Variants in AGBL4 observed in about 807,000 individuals in gnomAD.
The protein encoded by AGBL4 is cytosolic carboxypeptidase 6.
AGBL4 carries 58 observed loss-of-function variants against 66.4 expected under a neutral mutation model. The observed-to-expected ratio is 0.87, with a 90% CI of 0.71 to 1.09. The LOEUF (loss-of-function observed/expected upper bound fraction) is 1.09. Ranked by LOEUF, AGBL4 falls within the 50% of genes least tolerant of loss-of-function variation. The pLI, the probability that AGBL4 is intolerant of heterozygous loss-of-function variation, is 0.00. For synonymous variants in AGBL4, 234 were observed against 222.9 expected, an observed-to-expected ratio of 1.05 and a Z score of -0.44; for missense variants, 579 against 631.0, an observed-to-expected ratio of 0.92 and a Z score of 0.88.
chr1:48,821,782 C>T (rs1322783590), intron 6 of AGBL4, among the ~76,000 whole-genome samples: 1 of 152,016 alleles, frequency 6.6e-6, no homozygotes, highest in East Asian at 1.9e-4. Context: ...AGTGAAAAGG[C>T]AAGCAACAAC....
At chr1:49,742,688 T>C (rs1241125325) in intron 2 of AGBL4, among the ~76,000 whole-genome samples, 3 of 152,162 alleles carry the variant, frequency 2.0e-5, no homozygotes, top group African/African-American at 7.2e-5. Context: ...AGCATGGTAC[T>C]GGTACCAAAA....
At chr1:49,276,982 AG>A (rs1644180505) in intron 3 of AGBL4, among the ~76,000 whole-genome samples, 1 of 152,166 alleles carries the variant, frequency 6.6e-6, no homozygotes, top group African/African-American at 2.4e-5. Context: ...ATTTAGCAAT[AG>A]CCAAAGGATA....
At chr1:48,616,580 C>T (rs1645322351) in intron 9 of AGBL4, among the ~76,000 whole-genome samples, 1 of 152,162 alleles carries the variant, frequency 6.6e-6, no homozygotes, top group Non-Finnish European at 1.5e-5. Flanking sequence ...ATCCCCCGAG[C>T]TTCATATTCC....
Position 49,224,938 on chromosome 1 carries a change from G to A in AGBL4, c.377+20832C>T, listed in dbSNP as rs140644568. On this transcript the variant is annotated intron_variant, in intron 4 of 13. Transcript: ENST00000371839. ...GAAGAGTGTATACGTATGCGCATGT[G>A]GTTGTGTGCCCATGTACAAATGAAT... 2.6e-5 allele frequency among the ~76,000 whole-genome samples: 4 copies of A among 152,312 alleles called. No homozygotes were observed. In the East Asian group the frequency reaches 7.7e-4, roughly 29 times the overall value.
intron 3 of AGBL4, among the ~76,000 whole-genome samples, chr1:49,362,968 GTTTA>G (rs1644172227): frequency 6.6e-6 from 1 of 152,162 alleles, no homozygotes; most frequent in African/African-American, 2.4e-5. Context: ...ACTCTTTCCA[GTTTA>G]TTTGTCTAGA....
chr1:49,631,761 G>C (rs1645573613), intron 3 of AGBL4, among the ~76,000 whole-genome samples: 1 of 152,214 alleles, frequency 6.6e-6, no homozygotes, highest in South Asian at 2.1e-4. Flanking sequence ...GATGGAGGAA[G>C]AAAGAAGAAC....
chr1:49,844,552 T>A, intron 2 of AGBL4: 1 of 720,816 alleles, frequency 1.4e-6, no homozygotes, highest in Non-Finnish European at 2.1e-6. Flanking sequence ...TGCAAAACTA[T>A]ATTTTTAAAT....
At chr1:49,283,619 GA>G (rs1263369542) in intron 3 of AGBL4, among the ~76,000 whole-genome samples, 1 of 151,864 alleles carries the variant, frequency 6.6e-6, no homozygotes, top group Non-Finnish European at 1.5e-5. Context: ...TGAAAACTTT[GA>G]AAAAAATTTA....
At chr1:49,884,370 T>G (rs780683249) in intron 1 of AGBL4, among the ~76,000 whole-genome samples, 1 of 151,898 alleles carries the variant, frequency 6.6e-6, no homozygotes, top group Non-Finnish European at 1.5e-5. Context: ...GTTATTATTA[T>G]TAGTCATCAT....
intron 3 of AGBL4, among the ~76,000 whole-genome samples, chr1:49,550,347 T>A (rs906898270): frequency 6.6e-6 from 1 of 152,178 alleles, no homozygotes; most frequent in Non-Finnish European, 1.5e-5. Context: ...ACTTTGATTT[T>A]TAGGATTTTT....
rs1644420512 is a variant in AGBL4, at chr1:49,575,613, G to C, written c.282+121700C>G. Among the ~76,000 whole-genome samples, 3 of 152,344 alleles carry C rather than the reference G, an allele frequency of 2.0e-5. No individual in the cohort carries two copies. The South Asian group carries it at 6.2e-4, about 32-fold the overall frequency. On this transcript the variant is annotated intron_variant, in intron 3 of 13. Transcript: ENST00000371839. ...AGAAGACAGATGGATATTGGAAAATGACAGTGGATTATTATAAGCTTAACC... is the reference window on the plus strand; with the variant it reads ...AGAAGACAGATGGATATTGGAAAATCACAGTGGATTATTATAAGCTTAACC...
At chr1:48,675,302 G>T (rs543794898) in intron 6 of AGBL4, among the ~76,000 whole-genome samples, 1 of 152,290 alleles carries the variant, frequency 6.6e-6, no homozygotes, top group South Asian at 2.1e-4. Flanking sequence ...CTTGACAGAA[G>T]CGGAGCTCAA....
intron 2 of AGBL4, among the ~76,000 whole-genome samples, chr1:49,748,173 C>T (rs1651148329): frequency 6.6e-6 from 1 of 152,044 alleles, no homozygotes. Flanking sequence ...CGCCCCACCC[C>T]CTGACAGGCT....
chr1:48,949,006 T>C (rs963640233), intron 5 of AGBL4, among the ~76,000 whole-genome samples: 3 of 152,174 alleles, frequency 2.0e-5, no homozygotes, highest in African/African-American at 7.2e-5. Flanking sequence ...AACCAGGAAA[T>C]TAGAAATGTT....
intron 6 of AGBL4, among the ~76,000 whole-genome samples, chr1:48,667,747 C>T (rs1245775006): frequency 1.3e-5 from 2 of 152,170 alleles, no homozygotes; most frequent in Non-Finnish European, 2.9e-5. Context: ...GCCATAATCT[C>T]GGAGCCAAGA....
At chr1:49,879,593 AT>A (rs1388708236) in intron 1 of AGBL4, among the ~76,000 whole-genome samples, 1 of 145,898 alleles carries the variant, frequency 6.9e-6, no homozygotes, top group Non-Finnish European at 1.5e-5. Flanking sequence ...TGCCCTTAAC[AT>A]TTTTTCCTTC....
At chr1:49,843,130 C>T (rs1349116727) in intron 2 of AGBL4, among the ~76,000 whole-genome samples, 1 of 152,038 alleles carries the variant, frequency 6.6e-6, no homozygotes, top group East Asian at 1.9e-4. Flanking sequence ...CATTAGGGTC[C>T]CTCCACATCA....
chr1:48,698,027 T>C (rs1019106675), intron 6 of AGBL4, among the ~76,000 whole-genome samples: 4 of 152,234 alleles, frequency 2.6e-5, no homozygotes, highest in Non-Finnish European at 5.9e-5. Flanking sequence ...GAATGACTCC[T>C]AAGGCTGGGC....
chr1:49,700,368 G>A (rs948754599), intron 2 of AGBL4, among the ~76,000 whole-genome samples: 1 of 151,146 alleles, frequency 6.6e-6, no homozygotes, highest in Non-Finnish European at 1.5e-5. Flanking sequence ...AAGTATGTAA[G>A]TAAAATTTGA....
Sources: gnomAD v4.1 joint callset for allele counts (sites outside exome capture counted in the v4.1 genomes callset) on GRCh38, gnomAD v4.1.1 for gene constraint, MANE v1.5 for transcripts, NCBI Gene and HGNC (gene_info 2026-07-23, HGNC 2026-07-21) for gene names.